Variants in FRY observed in about 807,000 individuals in gnomAD.
FRY encodes the protein protein furry homolog.
In FRY, 128 loss-of-function variants were observed where a neutral mutation model predicts 348.4. The ratio of observed to expected loss-of-function variants is 0.37; its 90% CI spans 0.32 to 0.43. The LOEUF is 0.43. FRY is among the 20% of genes least tolerant of loss of function. The pLI is 1.00. For synonymous variants in FRY, 1,370 were observed against 1,374.7 expected (o/e 1.00, Z 0.08); for missense variants, 2,736 against 3,695.2 (o/e 0.74, Z 6.73).
intron 58 of FRY, among the ~76,000 whole-genome samples, chr13:32,278,888 T>C (rs1169062101): frequency 3.3e-5 from 5 of 152,238 alleles, no homozygotes; most frequent in African/African-American, 4.8e-5. Context: ...TTAGTTTCTT[T>C]AATGAAGGAA....
chr13:32,049,402 GTCTT>G (rs1873199744), intron 1 of FRY, among the ~76,000 whole-genome samples: 2 of 151,998 alleles, frequency 1.3e-5, no homozygotes, highest in South Asian at 4.1e-4. Flanking sequence ...GAAAGGTCTG[GTCTT>G]ATTCTGAAAA....
At chr13:32,055,752 A>G (rs1194373456) in intron 1 of FRY, among the ~76,000 whole-genome samples, 2 of 152,258 alleles carry the variant, frequency 1.3e-5, no homozygotes, top group Non-Finnish European at 2.9e-5. Flanking sequence ...GGGGGTACCT[A>G]TAAGCTGAGT....
intron 13 of FRY, 105 bp downstream of exon 13, chr13:32,148,052 C>T (rs1178628725): frequency 1.6e-5 from 12 of 756,192 alleles, no homozygotes; most frequent in Non-Finnish European, 2.4e-5. Flanking sequence ...TAGCATCTTA[C>T]GTGTTTAGAC....
At chr13:32,129,453 A>G (rs1593646216) in intron 7 of FRY, among the ~76,000 whole-genome samples, 1 of 152,114 alleles carries the variant, frequency 6.6e-6, no homozygotes. Context: ...TTAATATACC[A>G]TTTTGTAGTT....
rs756191102 is a variant in FRY at position 32,157,280 on chromosome 13, C to T, written c.1659C>T (p.Ser553=). The change falls in exon 16 of 61, where the codon TCC becomes TCT. Residue 553 remains serine, a synonymous_variant. Transcript: ENST00000542859. ...ATAATGCATGTTTTTCAGGCATGTC[C>T]TTATATTACTCTCAAGTACGAAAAG... is the stretch of plus-strand genomic sequence containing the variant. ...TEEEAKMIGM[S]LYYSQVRKAV... is the part of the protein sequence containing the mutation. 2 of 1,611,748 alleles carry T rather than the reference C, an allele frequency of 1.2e-6. No individual in the cohort carries two copies. Among genetic ancestry groups the T allele is most frequent in the Admixed American group, 3.3e-5 (2 of 59,994 alleles).
intron 7 of FRY, among the ~76,000 whole-genome samples, chr13:32,130,452 T>TTGTGTGTG (rs58000380): frequency 0.043 from 6,110 of 141,926 alleles, 247 homozygotes; most frequent in East Asian, 0.13. Flanking sequence ...TGGAAAGTGT[T>TTGTGTGTG]TGTGTGTGTG....
At position 32,078,977 on chromosome 13, in the gene FRY, G is replaced by A. The variant is rs774625682; in HGVS notation, c.214G>A (p.Val72Ile). The A allele has an allele frequency of 1.6e-5, 26 of 1,613,876 alleles. No homozygotes were observed. The highest frequency in any genetic ancestry group is 2.2e-5 in the Non-Finnish European group (26 of 1,179,898). ...PGEYVLKSLF[V>I]NFTTQAERKI... is the part of the protein sequence containing the mutation. ...AGAATATGTCCTCAAAAGTTTATTT[G>A]TCAACTTCACCACTCAGGCTGAACG... is the stretch of plus-strand genomic sequence containing the variant. The change falls in exon 2 of 61, where the codon GTC becomes ATC. Residue 72 changes from valine (V) to isoleucine (I), a missense_variant. By Grantham distance (29) the Val-to-Ile change is conservative. Transcript: ENST00000542859.
chr13:32,089,112 T>C (rs542455188), intron 2 of FRY, among the ~76,000 whole-genome samples: 5 of 152,340 alleles, frequency 3.3e-5, no homozygotes, highest in Admixed American at 2.6e-4. Flanking sequence ...CATTTTGACA[T>C]TCCTGAAAAT....
chr13:32,223,435 T>G (rs996995043), intron 36 of FRY, among the ~76,000 whole-genome samples: 2 of 152,184 alleles, frequency 1.3e-5, no homozygotes, highest in African/African-American at 2.4e-5. Context: ...CCCAAACAAG[T>G]AATTCTCACC....
Position 32,228,563 on chromosome 13 carries a change from C to T in FRY, c.5314C>T (p.Leu1772Phe), listed in dbSNP as rs765879436. Residue 1772 changes from leucine to phenylalanine, a missense_variant, in exon 40 of 61, where the codon CTC becomes TTC. Around this residue, in one of 9 missense-constraint regions of FRY, gnomAD observed 794 missense variants for 977.0 expected, o/e 0.81. Transcript: ENST00000542859. Reference protein sequence around the residue: ...SISLGGSSGNLPQMTQEVEDV... With the variant: ...SISLGGSSGNFPQMTQEVEDV... The stretch of plus-strand genomic sequence containing the variant: ...CAGTCTGGGAGGCAGCAGTGGAAAC[C>T]TCCCACAGATGACCCAGGAGGTAGA... 3.7e-6 allele frequency: 6 copies of T among 1,613,902 alleles called. No homozygotes were observed. The South Asian group carries it at 6.6e-5, about 18-fold the overall frequency.
At chr13:32,131,420 A>T (rs566633832) in intron 7 of FRY, among the ~76,000 whole-genome samples, 4 of 152,344 alleles carry the variant, frequency 2.6e-5, no homozygotes, top group African/African-American at 7.2e-5. Context: ...GAGAAGGTCT[A>T]AATAAACCGG....
rs756569256 is a variant in FRY, at chr13:32,209,044, A to G, written c.4210A>G (p.Asn1404Asp). The G allele has an allele frequency of 6.2e-7, 1 of 1,614,148 alleles. No individual in the cohort carries two copies. Among genetic ancestry groups the G allele is most frequent in the East Asian group, 2.2e-5 (1 of 44,878 alleles). Residue 1404 changes from asparagine (N) to aspartate (D), a missense_variant, in exon 32 of 61, where the codon AAT becomes GAT. Asn to Asp is a conservative substitution (Grantham distance 23, BLOSUM62 1). Transcript: ENST00000542859. ...DVTASHGLRG[N>D]GWGSPEATSL... Reference sequence around the variant, plus strand: ...GACTGCTTCTCACGGGCTGAGAGGAAATGGCTGGGGCTCTCCAGAAGCCAC... The same window carrying G: ...GACTGCTTCTCACGGGCTGAGAGGAGATGGCTGGGGCTCTCCAGAAGCCAC...
At chr13:32,262,738 C>T (rs988886868) in intron 53 of FRY, among the ~76,000 whole-genome samples, 5 of 152,182 alleles carry the variant, frequency 3.3e-5, no homozygotes, top group African/African-American at 9.7e-5. Context: ...TTTGCATGAA[C>T]ACTGCTGGTG....
chr13:32,147,584 G>A (rs1203641384), intron 12 of FRY, among the ~76,000 whole-genome samples, 199 bp downstream of exon 12: 2 of 152,162 alleles, frequency 1.3e-5, no homozygotes, highest in Non-Finnish European at 2.9e-5. Flanking sequence ...GCCTCTACCA[G>A]GATCAACAAG....
At chr13:32,130,185 C>T (rs909223834) in intron 7 of FRY, among the ~76,000 whole-genome samples, 13 of 151,604 alleles carry the variant, frequency 8.6e-5, no homozygotes, top group African/African-American at 2.7e-4. Flanking sequence ...CTCAGCCTCA[C>T]GCACACCACC....
At chr13:32,121,367 T>C (rs1878639565) in intron 4 of FRY, among the ~76,000 whole-genome samples, 2 of 152,316 alleles carry the variant, frequency 1.3e-5, no homozygotes, top group South Asian at 4.1e-4. Context: ...ATAGCAGCTA[T>C]ACTAGTTTAT....
intron 56 of FRY, 43 bp from the exon 57 acceptor site, chr13:32,276,421 G>T: frequency 1.1e-6 from 1 of 944,890 alleles, no homozygotes; most frequent in Non-Finnish European, 1.8e-6. Context: ...CCTTTGTGTT[G>T]GTATCTCTCT....
chr13:32,216,086 A>G (rs1015636711), intron 35 of FRY, among the ~76,000 whole-genome samples: 10 of 152,174 alleles, frequency 6.6e-5, no homozygotes, highest in African/African-American at 1.7e-4. Flanking sequence ...AATTTGAGCT[A>G]AATCAACAAG....
chr13:32,138,387 T>C (rs1879852803), intron 11 of FRY, among the ~76,000 whole-genome samples: 1 of 152,338 alleles, frequency 6.6e-6, no homozygotes, highest in South Asian at 2.1e-4. Flanking sequence ...ATTAAAATAA[T>C]ATTTTTCATG....
Sources: gnomAD v4.1 joint callset for allele counts (sites outside exome capture counted in the v4.1 genomes callset) on GRCh38, gnomAD v4.1.1 for gene constraint, gnomAD v4.1.1 regional missense constraint, MANE v1.5 for transcripts, NCBI Gene and HGNC (gene_info 2026-07-23, HGNC 2026-07-21) for gene names.